Variants in NOTUM observed in about 807,000 individuals in gnomAD.
The protein encoded by NOTUM is palmitoleoyl-protein carboxylesterase NOTUM.
In NOTUM, 36 loss-of-function variants were observed where a neutral mutation model predicts 65.5. That is an observed-to-expected ratio of 0.55 (90% CI 0.42 to 0.73). The LOEUF (loss-of-function observed/expected upper bound fraction) is 0.73. Among genes scored for constraint, NOTUM ranks in the 30% least tolerant of loss-of-function variants. The pLI, the probability that NOTUM is intolerant of heterozygous loss-of-function variation, is 0.00. For synonymous variants in NOTUM, 356 were observed against 297.9 expected (o/e 1.20, Z -2.01); for missense variants, 659 against 694.2 (o/e 0.95, Z 0.57).
At position 81,960,217 on chromosome 17, in the gene NOTUM, C is replaced by T. The variant is rs952610713; in HGVS notation, c.323+370G>A. Among the ~76,000 whole-genome samples, 2 of 152,236 alleles carry T rather than the reference C, an allele frequency of 1.3e-5. No individual in the cohort carries two copies. Among genetic ancestry groups the T allele is most frequent in the African/African-American group, 2.4e-5 (1 of 41,466 alleles). On this transcript the variant is annotated intron_variant, in intron 1 of 10. Coordinates refer to ENST00000409678, the MANE Select transcript of NOTUM (RefSeq NM_178493.6). The surrounding 1 kb of genome is among the most constrained non-coding windows in gnomAD (Gnocchi z 6.4). Reference sequence around the variant, plus strand: ...CGACCCCCGACCTCACGTCTTTTATCTACTTCGGGGCTGCAAGGAGGTGGG... The same window carrying T: ...CGACCCCCGACCTCACGTCTTTTATTTACTTCGGGGCTGCAAGGAGGTGGG...
In NOTUM at chr17:81,955,469, G is replaced by A. The variant is rs140627736; in HGVS notation, c.1064C>T (p.Pro355Leu). The A allele has an allele frequency of 7.9e-5, 127 of 1,609,264 alleles. No homozygotes were observed. In the African/African-American group the frequency reaches 1.2e-3, roughly 15 times the overall value. The part of the protein sequence containing the change: ...TVDNVHLTGQ[P>L]VQEGLRLYIQ... ...GTACAGCCGCAGGCCCTCCTGCACC[G>A]GCTGCCCCGTCAGGTGCACGTTGTC... Residue 355 changes from proline to leucine, a missense_variant, in exon 9 of 11, where the codon CCG (proline) becomes CTG (leucine). Coordinates refer to ENST00000409678, the MANE Select transcript of NOTUM (RefSeq NM_178493.6).
chr17:81,958,886 G>A (rs766247227), intron 4 of NOTUM, 49 bp downstream of exon 4: 17 of 1,455,476 alleles, frequency 1.2e-5, no homozygotes, highest in African/African-American at 2.8e-5. Context: ...CCCCCGGGAA[G>A]AACCACCCTC....
intron 4 of NOTUM, 125 bp from the exon 5 acceptor site, chr17:81,958,518 C>T: frequency 1.4e-6 from 1 of 695,378 alleles, no homozygotes; most frequent in South Asian, 1.6e-5. Context: ...AAGGACCATC[C>T]CAGGATAGAA....
chr17:81,958,800 G>C, intron 4 of NOTUM, 135 bp downstream of exon 4: 1 of 684,540 alleles, frequency 1.5e-6, no homozygotes, highest in Non-Finnish European at 2.6e-6. Context: ...TCTAGGACAG[G>C]ACCTCCCCAA....
intron 6 of NOTUM, among the ~76,000 whole-genome samples, chr17:81,957,340 C>T (rs920506489): frequency 2.0e-5 from 3 of 152,184 alleles, no homozygotes; most frequent in Non-Finnish European, 4.4e-5. Flanking sequence ...GTCTCTTTAC[C>T]TCAGGTTCCT....
Position 81,952,838 on chromosome 17 carries a change from C to G in NOTUM, c.*123G>C, listed in dbSNP as rs553791578. The stretch of plus-strand genomic sequence containing the variant: ...CAGGAGGGCAGTGGGCAGACCCAGA[C>G]AGGGGGGACGGCTGGGGCCCTGTCC... On this transcript the variant is annotated 3_prime_UTR_variant, in exon 11 of 11. Coordinates refer to ENST00000409678, the MANE Select transcript of NOTUM (RefSeq NM_178493.6). The G allele has an allele frequency of 7.0e-5, 61 of 870,314 alleles. 1 individual carries two copies. The East Asian group carries it at 1.3e-3, about 19-fold the overall frequency. The allele number at this position is 870,314 out of a possible 1,614,324, so 53.9% of individuals were successfully genotyped here. A position where few individuals can be genotyped will look rare whatever the true frequency, so the allele number is the denominator to read the frequency against.
Position 81,959,605 on chromosome 17 carries a change from C to T in NOTUM, c.376+35G>A, listed in dbSNP as rs777319631. On this transcript the variant is annotated intron_variant, in intron 2 of 10. Coordinates refer to ENST00000409678, the MANE Select transcript of NOTUM (RefSeq NM_178493.6). ...CGCCGCTCAGGCCCGCGCGCACAGA[C>T]CCCCGGCCTCCCCCCGCCTCAGCCC... is the stretch of plus-strand genomic sequence containing the variant. 10 of 1,543,806 alleles carry T rather than the reference C, an allele frequency of 6.5e-6. No homozygotes were observed. In the East Asian group the frequency reaches 7.4e-5, roughly 11 times the overall value.
Position 81,952,758 on chromosome 17 carries a change from C to T in NOTUM, c.*203G>A. The T allele has an allele frequency of 1.7e-6, 1 of 596,038 alleles. No individual in the cohort carries two copies. The highest frequency in any genetic ancestry group is 3.0e-6 in the Non-Finnish European group (1 of 334,220). 36.9% of individuals were successfully genotyped at this position (596,038 alleles called of 1,614,324 possible). On this transcript the variant is annotated 3_prime_UTR_variant, in exon 11 of 11. Coordinates refer to ENST00000409678, the MANE Select transcript of NOTUM (RefSeq NM_178493.6). ...ACCCCCAGGCCACAGATGGGGATGA[C>T]AGCAGGTCCCTTGTCTCTGGCTGGG...
At position 81,953,035 on chromosome 17, in the gene NOTUM, C is replaced by G. The variant is rs113007375; in HGVS notation, c.1417G>C (p.Asp473His). The change falls in exon 11 of 11, where the codon GAC becomes CAC. Residue 473 changes from aspartate (D) to histidine (H), a missense_variant. Transcript: ENST00000409678. The part of the protein sequence containing the change: ...VAQFLMHMGF[D>H]MQTVAQPQGL... ...TGCGGCTGGGCCACCGTCTGCATGT[C>G]GAAGCCCATGTGCATGAGGAACTGG... 1 of 1,614,042 alleles carries G rather than the reference C, an allele frequency of 6.2e-7. No individual in the cohort carries two copies. Among genetic ancestry groups the G allele is most frequent in the South Asian group, 1.1e-5 (1 of 91,082 alleles).
Position 81,961,011 on chromosome 17 carries a change from GC to G in NOTUM, c.-103del. The G allele has an allele frequency of 6.1e-6, 3 of 490,074 alleles. No homozygotes were observed. Among genetic ancestry groups the G allele is most frequent in the South Asian group, 8.9e-5 (1 of 11,200 alleles). 30.4% of individuals were successfully genotyped at this position (490,074 alleles called of 1,614,324 possible). On this transcript the variant is annotated 5_prime_UTR_variant, in exon 1 of 11. Transcript: ENST00000409678. Reference sequence around the variant, plus strand: ...CGGGCCGGGGGTGTCGGGGGCACTGGCCGCTCCTGCTCCCTCGCCCCCGCTC... The same window carrying G: ...CGGGCCGGGGGTGTCGGGGGCACTGGCGCTCCTGCTCCCTCGCCCCCGCTC...
chr17:81,959,934 C>CCGGCGCGGGTCCCGCTGTCACCT (rs2041461599), intron 1 of NOTUM: 1 of 177,854 alleles, frequency 5.6e-6, no homozygotes, highest in African/African-American at 2.4e-5. Flanking sequence ...CACGTTCCGC[C>CCGGCGCGGGTCCCGCTGTCACCT]CGGCGCGGGT....
chr17:81,955,773 C>T (rs1298802382), intron 8 of NOTUM, among the ~76,000 whole-genome samples: 1 of 129,464 alleles, frequency 7.7e-6, no homozygotes, highest in African/African-American at 3.0e-5. Flanking sequence ...CAGGCCCCTG[C>T]AGTGTCCCCC....
rs532025424 is a variant in NOTUM at position 81,956,872 on chromosome 17, C to T, written c.887+11G>A. 1.1e-5 allele frequency: 17 copies of T among 1,606,146 alleles called. No homozygotes were observed. The highest frequency in any genetic ancestry group is 1.7e-4 in the Middle Eastern group (1 of 6,040). ...CTGCAGCACGAGGACGGGCCCTCCC[C>T]GCTGCGGCACCTGATGCCACGGCGG... On this transcript the variant is annotated intron_variant, in intron 7 of 10. Transcript: ENST00000409678.
At chr17:81,959,023 C>T (rs1330828459) in intron 3 of NOTUM, 28 bp from the exon 4 acceptor site, 79 of 1,604,748 alleles carry the variant, frequency 4.9e-5, no homozygotes, top group Non-Finnish European at 6.7e-5. Context: ...GTGGGTCTTT[C>T]TAGCGGGAGG....
Position 81,960,479 on chromosome 17 carries a change from C to A in NOTUM, c.323+108G>T. ...GGGGCCAGGACCGCGGGGCGCCCGA[C>A]GGAAGCCCTTTCTCCCCGGGGAGAG... On this transcript the variant is annotated intron_variant, in intron 1 of 10. Transcript: ENST00000409678. This position sits in a 1 kb window ranked among gnomAD's most constrained non-coding sequence, Gnocchi z 6.4. The A allele has an allele frequency of 1.3e-6, 1 of 774,064 alleles. No individual in the cohort carries two copies. Among genetic ancestry groups the A allele is most frequent in the Non-Finnish European group, 1.9e-6 (1 of 518,318 alleles). The allele number at this position is 774,064 out of a possible 1,614,324, so 47.9% of individuals were successfully genotyped here.
chr17:81,958,098 G>A (rs1024151114), intron 5 of NOTUM, among the ~76,000 whole-genome samples, 190 bp from the exon 6 acceptor site: 2 of 152,140 alleles, frequency 1.3e-5, no homozygotes, highest in Non-Finnish European at 2.9e-5. Context: ...TCCTCCCCAG[G>A]GAATATTCAG....
chr17:81,957,475 C>T (rs2143945117), intron 6 of NOTUM, among the ~76,000 whole-genome samples: 1 of 152,208 alleles, frequency 6.6e-6, no homozygotes, highest in South Asian at 2.1e-4. Context: ...TCTACCGGGC[C>T]CTGGAGAAGG....
rs1191277604 is a variant in NOTUM at position 81,960,058 on chromosome 17, G to A, written c.324-366C>T. ...CTTGGCGGGGGAACGGGACGCCGCG[G>A]GGAGCGCGGGAGGCGCGGGCGGCAC... is the stretch of plus-strand genomic sequence containing the variant. On this transcript the variant is annotated intron_variant, in intron 1 of 10. Coordinates refer to ENST00000409678, the MANE Select transcript of NOTUM (RefSeq NM_178493.6). The surrounding 1 kb of genome is among the most constrained non-coding windows in gnomAD (Gnocchi z 6.4). Among the ~76,000 whole-genome samples the A allele has an allele frequency of 6.6e-6, 1 of 152,058 alleles. No individual in the cohort carries two copies. Among genetic ancestry groups the A allele is most frequent in the Non-Finnish European group, 1.5e-5 (1 of 67,966 alleles).
In NOTUM at chr17:81,960,973, G is replaced by T. The variant is rs1406226948; in HGVS notation, c.-64C>A. 1.0e-6 allele frequency: 1 copy of T among 952,612 alleles called. No individual in the cohort carries two copies. The highest frequency in any genetic ancestry group is 1.3e-6 in the Non-Finnish European group (1 of 757,848). The allele number at this position is 952,612 out of a possible 1,614,324, so 59.0% of individuals were successfully genotyped here. ...GGCGGCGGCGGCGGCGGGGGATGCC[G>T]GGCCGGGGGTGCCGGGCCGGGGGTG... is the stretch of plus-strand genomic sequence containing the variant. On this transcript the variant is annotated 5_prime_UTR_variant, in exon 1 of 11. Coordinates refer to ENST00000409678, the MANE Select transcript of NOTUM (RefSeq NM_178493.6). This position sits in a 1 kb window ranked among gnomAD's most constrained non-coding sequence, Gnocchi z 6.4.
Sources: gnomAD v4.1 joint callset for allele counts (sites outside exome capture counted in the v4.1 genomes callset) on GRCh38, gnomAD v4.1.1 for gene constraint, Gnocchi (gnomAD v3.1) non-coding constraint, MANE v1.5 for transcripts, NCBI Gene and HGNC (gene_info 2026-07-23, HGNC 2026-07-21) for gene names.